CCSER1: variants seen among roughly 807,000 people sequenced by gnomAD.
CCSER1 encodes serine-rich coiled-coil domain-containing protein 1.
Under a neutral mutation model 82.0 loss-of-function variants are expected in CCSER1, and 41 were observed. The observed-to-expected ratio is 0.50, with a 90% CI of 0.39 to 0.65. CCSER1 has a LOEUF of 0.65. Ranked by LOEUF, CCSER1 falls within the 30% of genes least tolerant of loss-of-function variation. The probability of loss-of-function intolerance (pLI) is 0.00; values close to 1 mark genes in which losing one functional copy is unlikely to be tolerated. For synonymous variants in CCSER1, 414 were observed against 383.9 expected (o/e 1.08, Z -0.92); for missense variants, 1,119 against 1,064.2 (o/e 1.05, Z -0.72).
chr4:91,548,178 C>G (rs1386713909), intron 10 of CCSER1, among the ~76,000 whole-genome samples: 1 of 152,116 alleles, frequency 6.6e-6, no homozygotes, highest in African/African-American at 2.4e-5. Flanking sequence ...ACTGGTTGCG[C>G]TAAAGTTTGC....
chr4:90,935,275 G>A (rs537314715), intron 9 of CCSER1, among the ~76,000 whole-genome samples: 1 of 152,044 alleles, frequency 6.6e-6, no homozygotes, highest in Admixed American at 6.6e-5. Flanking sequence ...CCCACCCTGG[G>A]GGTGAGTGAG....
intron 8 of CCSER1, chr4:90,838,902 A>G (rs11559253): frequency 1.2e-6 from 2 of 1,613,278 alleles, no homozygotes; most frequent in Admixed American, 1.7e-5. Flanking sequence ...CGCACGCCTC[A>G]TTACGATTCG....
intron 6 of CCSER1, among the ~76,000 whole-genome samples, chr4:90,663,459 T>C (rs1396435563): frequency 6.6e-6 from 1 of 152,198 alleles, no homozygotes; most frequent in Non-Finnish European, 1.5e-5. Flanking sequence ...ATGAATTCAA[T>C]GTTCAAGATC....
intron 10 of CCSER1, among the ~76,000 whole-genome samples, chr4:91,188,182 C>T (rs1168930397): frequency 1.3e-5 from 2 of 152,096 alleles, no homozygotes; most frequent in Non-Finnish European, 2.9e-5. Flanking sequence ...TATCACTTGT[C>T]TCCTATTTCA....
intron 9 of CCSER1, among the ~76,000 whole-genome samples, chr4:91,067,821 T>C (rs765318992): frequency 6.6e-6 from 1 of 152,220 alleles, no homozygotes; most frequent in Non-Finnish European, 1.5e-5. Flanking sequence ...TAATGAGTTA[T>C]CTGCTATAGA....
Position 90,605,402 on chromosome 4 carries a change from A to G in CCSER1, c.1725-22623A>G, listed in dbSNP as rs562687339. 6.8e-4 allele frequency among the ~76,000 whole-genome samples: 104 copies of G among 152,338 alleles called. No individual in the cohort carries two copies. In the South Asian group the frequency reaches 0.02, roughly 30 times the overall value. On this transcript the variant is annotated intron_variant, in intron 5 of 10. Transcript: ENST00000509176. ...TTATAAATATGGGCCGATAAAGTTG[A>G]TATTTATAATTCCTTAAAGTCACGT...
chr4:91,282,247 TAC>T, intron 10 of CCSER1, among the ~76,000 whole-genome samples: 1 of 152,290 alleles, frequency 6.6e-6, no homozygotes, highest in East Asian at 1.9e-4. Flanking sequence ...TCATGAATTA[TAC>T]AGGTGTGACT....
intron 10 of CCSER1, among the ~76,000 whole-genome samples, chr4:91,131,358 G>A (rs1380383516): frequency 7.3e-6 from 1 of 136,516 alleles, no homozygotes; most frequent in South Asian, 2.3e-4. Context: ...ATTCTATGAT[G>A]TTAATATTTT....
intron 9 of CCSER1, among the ~76,000 whole-genome samples, chr4:90,932,659 C>T (rs1204672831): frequency 1.3e-5 from 2 of 151,210 alleles, no homozygotes; most frequent in East Asian, 3.9e-4. Context: ...GAAATCCCTT[C>T]TCTACTAAAA....
intron 8 of CCSER1, among the ~76,000 whole-genome samples, chr4:90,873,724 G>A (rs1208988414): frequency 6.6e-6 from 1 of 152,040 alleles, no homozygotes; most frequent in African/African-American, 2.4e-5. Flanking sequence ...GTATATGTAT[G>A]TACATTTTTG....
chr4:90,829,821 C>T (rs62311076), intron 8 of CCSER1, among the ~76,000 whole-genome samples: 10,833 of 152,268 alleles, frequency 0.071, 501 homozygotes, highest in Admixed American at 0.13. Context: ...TTAGGGTGGG[C>T]TTCCTGCATA....
chr4:90,228,072 G>A (rs1470092302), intron 1 of CCSER1, among the ~76,000 whole-genome samples: 6 of 152,210 alleles, frequency 3.9e-5, no homozygotes, highest in Non-Finnish European at 8.8e-5. Context: ...GCCCAGGCTT[G>A]CTTAGGTAAA....
chr4:90,840,731 GA>G (rs1182542109), intron 8 of CCSER1, among the ~76,000 whole-genome samples: 1 of 151,930 alleles, frequency 6.6e-6, no homozygotes, highest in Non-Finnish European at 1.5e-5. Flanking sequence ...CCTCATCCAT[GA>G]AAGCTGTAAA....
intron 10 of CCSER1, among the ~76,000 whole-genome samples, chr4:91,574,236 CAG>C (rs1288996163): frequency 7.5e-6 from 1 of 132,576 alleles, no homozygotes; most frequent in Non-Finnish European, 1.6e-5. Context: ...AGTCAAAAAA[CAG>C]ATGCTACTGA....
chr4:90,226,559 A>G (rs575879616), intron 1 of CCSER1, among the ~76,000 whole-genome samples: 1 of 152,346 alleles, frequency 6.6e-6, no homozygotes, highest in African/African-American at 2.4e-5. Flanking sequence ...CAAGAGGAAT[A>G]TAGTTGGTTT....
chr4:90,463,921 A>T (rs990208018), intron 4 of CCSER1, among the ~76,000 whole-genome samples: 1 of 152,072 alleles, frequency 6.6e-6, no homozygotes, highest in East Asian at 1.9e-4. Context: ...TTATGCTTTA[A>T]CAATGATTTT....
rs1553921463 is a variant in CCSER1 at position 91,296,483 on chromosome 4, A to ATATTTATT, written c.2217+210494_2217+210495insATTTATTT. Among the ~76,000 whole-genome samples, 150 of 124,032 alleles carry ATATTTATT rather than the reference A, an allele frequency of 1.2e-3. 13 individuals carry two copies. The highest frequency in any genetic ancestry group is 9.6e-3 in the Middle Eastern group (2 of 208). The allele number at this position is 124,032 out of a possible 152,430, so 81.4% of individuals were successfully genotyped here. A position where few individuals can be genotyped will look rare whatever the true frequency, so the allele number is the denominator to read the frequency against. ...TATATATATGTATATATATATATATATATTTTAATTAAATATACAGTTATC... is the reference window on the plus strand; with the variant it reads ...TATATATATGTATATATATATATATATATTTATTTATTTTAATTAAATATACAGTTATC... On this transcript the variant is annotated intron_variant, in intron 10 of 10. Coordinates refer to ENST00000509176, the MANE Select transcript of CCSER1 (RefSeq NM_001145065.2).
At chr4:90,705,803 G>C (rs758677989) in intron 6 of CCSER1, among the ~76,000 whole-genome samples, 1 of 152,164 alleles carries the variant, frequency 6.6e-6, no homozygotes, top group Non-Finnish European at 1.5e-5. Context: ...CTGGTGTGCT[G>C]TTTGCTAAGA....
intron 10 of CCSER1, among the ~76,000 whole-genome samples, chr4:91,329,075 C>G (rs115789338): frequency 0.012 from 1,886 of 152,214 alleles, 18 homozygotes; most frequent in Non-Finnish European, 0.02. Context: ...TATAAATTAC[C>G]CAGTCTCAGT....
Sources: allele counts gnomAD v4.1 joint callset (sites outside exome capture counted in the v4.1 genomes callset), GRCh38; gene constraint gnomAD v4.1.1; transcripts MANE v1.5; gene names NCBI Gene and HGNC (gene_info 2026-07-23, HGNC 2026-07-21).